Variants in MAF observed in about 807,000 individuals in gnomAD.
The protein encoded by MAF is MAF bZIP transcription factor.
A neutral mutation model predicts 22.0 loss-of-function variants in MAF; 10 were observed. The ratio of observed to expected loss-of-function variants is 0.45; its 90% confidence interval spans 0.28 to 0.77. MAF has a LOEUF of 0.77. Among genes scored for constraint, MAF ranks in the 30% least tolerant of loss-of-function variants. The pLI is 0.12. For synonymous variants in MAF, 337 were observed against 255.8 expected, an observed-to-expected ratio of 1.32 and a Z score of -3.03; for missense variants, 544 against 548.4, an observed-to-expected ratio of 0.99 and a Z score of 0.08.
At chr16:79,567,383 C>T in the MAF span, among the ~76,000 whole-genome samples, 1 of 152,094 alleles carries the variant, frequency 6.6e-6, no homozygotes, top group Non-Finnish European at 1.5e-5. Flanking sequence ...TTGATTACTA[C>T]CTTAGTTTGA....
the MAF span, among the ~76,000 whole-genome samples, chr16:79,376,726 G>C: frequency 6.6e-6 from 1 of 151,858 alleles, no homozygotes; most frequent in Non-Finnish European, 1.5e-5. Flanking sequence ...CCCTTCCTGT[G>C]TCCATGTGTT....
the MAF span, among the ~76,000 whole-genome samples, chr16:79,428,024 G>A: frequency 2.7e-5 from 4 of 150,464 alleles, no homozygotes; most frequent in Non-Finnish European, 5.9e-5. Context: ...CCTGGGAGGT[G>A]GAGCTTGCAG....
the MAF span, among the ~76,000 whole-genome samples, chr16:79,552,089 C>T: frequency 6.6e-6 from 1 of 152,114 alleles, no homozygotes; most frequent in Non-Finnish European, 1.5e-5. Flanking sequence ...CGCCCCAAGA[C>T]CCCCCTGCCC....
At chr16:79,548,889 A>G in the MAF span, among the ~76,000 whole-genome samples, 1 of 152,140 alleles carries the variant, frequency 6.6e-6, no homozygotes, top group Non-Finnish European at 1.5e-5. Context: ...TTAAGCCTCT[A>G]CACACACTTA....
At chr16:79,274,457 C>T in the MAF span, among the ~76,000 whole-genome samples, 1 of 152,114 alleles carries the variant, frequency 6.6e-6, no homozygotes, top group Non-Finnish European at 1.5e-5. Flanking sequence ...GACCCCAATG[C>T]AAATGCACTA....
chr16:79,483,916 G>A, the MAF span, among the ~76,000 whole-genome samples: 1 of 152,188 alleles, frequency 6.6e-6, no homozygotes, highest in African/African-American at 2.4e-5. Context: ...CTCCTGAGAG[G>A]CAAGGCAGGA....
the MAF span, among the ~76,000 whole-genome samples, chr16:79,262,333 T>C: frequency 6.6e-6 from 1 of 152,164 alleles, no homozygotes; most frequent in Non-Finnish European, 1.5e-5. Context: ...AGCCTTACTC[T>C]CTATCCAAAA....
chr16:79,272,697 T>A, the MAF span, among the ~76,000 whole-genome samples: 3 of 152,196 alleles, frequency 2.0e-5, no homozygotes, highest in East Asian at 5.8e-4. Flanking sequence ...CATTCATTCA[T>A]TTGTCCATTC....
At chr16:79,407,371 T>C in the MAF span, among the ~76,000 whole-genome samples, 1 of 152,180 alleles carries the variant, frequency 6.6e-6, no homozygotes, top group Non-Finnish European at 1.5e-5. Flanking sequence ...AGGATATAAC[T>C]TCACCTCAAG....
chr16:79,230,789 T>C, the MAF span, among the ~76,000 whole-genome samples: 1 of 152,204 alleles, frequency 6.6e-6, no homozygotes, highest in African/African-American at 2.4e-5. Flanking sequence ...AAAATGTACT[T>C]ATTGCATAGC....
chr16:79,559,140 G>C, the MAF span, among the ~76,000 whole-genome samples: 1 of 152,112 alleles, frequency 6.6e-6, no homozygotes, highest in Non-Finnish European at 1.5e-5. Context: ...CACTGGCCGT[G>C]GTTTGGGCGG....
At chr16:79,338,446 C>T in the MAF span, among the ~76,000 whole-genome samples, 1 of 152,174 alleles carries the variant, frequency 6.6e-6, no homozygotes, top group African/African-American at 2.4e-5. Flanking sequence ...ATTTTCTACA[C>T]TTTTGGGAGC....
At chr16:79,360,012 A>C in the MAF span, among the ~76,000 whole-genome samples, 1 of 152,142 alleles carries the variant, frequency 6.6e-6, no homozygotes, top group African/African-American at 2.4e-5. Context: ...CAGAGGGAAG[A>C]ACCTGGAGCA....
the MAF span, among the ~76,000 whole-genome samples, chr16:79,492,273 G>A: frequency 6.6e-6 from 1 of 152,046 alleles, no homozygotes; most frequent in African/African-American, 2.4e-5. Flanking sequence ...TGAGGTGAGC[G>A]ACGCATTCAT....
the MAF span, among the ~76,000 whole-genome samples, chr16:79,244,097 A>G: frequency 2.6e-5 from 4 of 152,198 alleles, no homozygotes; most frequent in East Asian, 7.7e-4. Context: ...TGACAAATCC[A>G]CAGCCAGTAT....
chr16:79,241,491 G>GA, the MAF span, among the ~76,000 whole-genome samples: 8 of 151,992 alleles, frequency 5.3e-5, no homozygotes, highest in African/African-American at 1.7e-4. Flanking sequence ...CAAGATTAGA[G>GA]AAAAAACAAT....
the MAF span, among the ~76,000 whole-genome samples, chr16:79,463,041 G>C: frequency 6.6e-6 from 1 of 152,280 alleles, no homozygotes; most frequent in South Asian, 2.1e-4. Context: ...CAGTCAATGG[G>C]AATCTCCACT....
At chr16:79,306,235 G>A in the MAF span, among the ~76,000 whole-genome samples, 4 of 152,162 alleles carry the variant, frequency 2.6e-5, no homozygotes, top group Non-Finnish European at 5.9e-5. Context: ...TGCTTGACTT[G>A]TCCTGTCTTG....
chr16:79,409,373 T>C, the MAF span, among the ~76,000 whole-genome samples: 1 of 152,220 alleles, frequency 6.6e-6, no homozygotes, highest in Non-Finnish European at 1.5e-5. Flanking sequence ...TCTGTCCTTA[T>C]TCTGCACACT....
Sources: allele counts gnomAD v4.1 joint callset (sites outside exome capture counted in the v4.1 genomes callset), GRCh38; gene constraint gnomAD v4.1.1; transcripts MANE v1.5; gene names NCBI Gene and HGNC (gene_info 2026-07-23, HGNC 2026-07-21).